Variants in MYBL1 observed in about 807,000 individuals in gnomAD.
MYBL1 encodes the protein myb-related protein A.
In MYBL1, 17 loss-of-function variants were observed where a neutral mutation model predicts 96.3. The observed-to-expected ratio is 0.18, with a 90% CI of 0.12 to 0.26. The LOEUF is 0.26. Ranked by LOEUF, MYBL1 falls within the 10% of genes least tolerant of loss-of-function variation. The probability of loss-of-function intolerance (pLI) is 1.00; values close to 1 mark genes in which losing one functional copy is unlikely to be tolerated. For synonymous variants in MYBL1, 282 were observed against 292.7 expected (o/e 0.96, Z 0.37); for missense variants, 701 against 882.9 (o/e 0.79, Z 2.61).
intron 5 of MYBL1, among the ~76,000 whole-genome samples, chr8:66,596,244 G>A (rs1171011967): frequency 6.6e-6 from 1 of 152,064 alleles, no homozygotes. Context: ...CTTAAGCCAG[G>A]AACAAACATG....
chr8:66,595,681 C>T lies in MYBL1; in HGVS notation c.589G>A (p.Gly197Arg). The T allele has an allele frequency of 6.3e-7, 1 of 1,583,386 alleles. No homozygotes were observed. The highest frequency in any genetic ancestry group is 8.6e-7 in the Non-Finnish European group (1 of 1,162,888). ...GATGAAGATCGTTCTGATTTTATTC[C>T]ATCTTGTAAATAGCCCTCCTGTTCC... The part of the protein sequence containing the change: ...KVEQEGYLQD[G>R]IKSERSSSKL... Residue 197 changes from glycine to arginine, a missense_variant, in exon 6 of 16, where the codon GGA (glycine) becomes AGA (arginine). By Grantham distance (125) the Gly-to-Arg change is moderately radical. Around this residue, in one of 5 missense-constraint regions of MYBL1, gnomAD observed 396 missense variants for 407.4 expected, o/e 0.97. Transcript: ENST00000522677.
chr8:66,578,239 T>C (rs1809048302), intron 9 of MYBL1, among the ~76,000 whole-genome samples: 1 of 151,182 alleles, frequency 6.6e-6, no homozygotes, highest in Non-Finnish European at 1.5e-5. Flanking sequence ...TGGGATCTAA[T>C]TAAACTAAAG....
chr8:66,584,080 A>T (rs1809318083), intron 8 of MYBL1, among the ~76,000 whole-genome samples: 1 of 152,240 alleles, frequency 6.6e-6, no homozygotes, highest in African/African-American at 2.4e-5. Context: ...CCAGGGATGT[A>T]AGGATGATTC....
chr8:66,579,668 A>G (rs1227982113), intron 9 of MYBL1, among the ~76,000 whole-genome samples: 1 of 151,908 alleles, frequency 6.6e-6, no homozygotes, highest in East Asian at 1.9e-4. Flanking sequence ...AAAAAAAAAA[A>G]ATCAAGTTTA....
At chr8:66,603,474 G>C (rs1810188042) in intron 1 of MYBL1, among the ~76,000 whole-genome samples, 1 of 150,526 alleles carries the variant, frequency 6.6e-6, no homozygotes, top group Non-Finnish European at 1.5e-5. Flanking sequence ...TGAACAAATG[G>C]AAGAACATTC....
Position 66,576,079 on chromosome 8 carries a change from G to T in MYBL1, c.1398C>A (p.Gly466=). The T allele has an allele frequency of 6.2e-7, 1 of 1,613,924 alleles. No individual in the cohort carries two copies. The highest frequency in any genetic ancestry group is 8.5e-7 in the Non-Finnish European group (1 of 1,179,862). The stretch of plus-strand genomic sequence containing the variant: ...CCATATTACCACCATCGTTCAATGA[G>T]CCATCCCTAAGTTCGCTGCCTGGGG... ...GHSPGSELRD[G]SLNDGGNMAL... is the part of the protein sequence containing the mutation. Residue 466 remains glycine, a synonymous_variant, in exon 10 of 16, where the codon GGC becomes GGA. Coordinates refer to ENST00000522677, the MANE Select transcript of MYBL1 (RefSeq NM_001080416.4).
rs2129942268 is a variant in MYBL1, at chr8:66,593,237, T to C, written c.688-43A>G. On this transcript the variant is annotated intron_variant, in intron 6 of 15. Coordinates refer to ENST00000522677, the MANE Select transcript of MYBL1 (RefSeq NM_001080416.4). ...CATTATTATCATACATATAATGCTA[T>C]AAATGTTGAAAATCTGAAGCAAATG... 6 of 1,268,672 alleles carry C rather than the reference T, an allele frequency of 4.7e-6. No homozygotes were observed. In the South Asian group the frequency reaches 8.6e-5, roughly 18 times the overall value. The allele number at this position is 1,268,672 out of a possible 1,614,324, so 78.6% of individuals were successfully genotyped here.
chr8:66,584,621 G>C (rs960703122), intron 8 of MYBL1, among the ~76,000 whole-genome samples: 1 of 152,096 alleles, frequency 6.6e-6, no homozygotes, highest in African/African-American at 2.4e-5. Context: ...CACTTTGGGA[G>C]GACAAAGCAG....
intron 1 of MYBL1, among the ~76,000 whole-genome samples, chr8:66,608,686 CTATT>C (rs1294280585): frequency 6.6e-6 from 1 of 152,098 alleles, no homozygotes; most frequent in Non-Finnish European, 1.5e-5. Context: ...TGGATCTGCT[CTATT>C]TGTCTACTTT....
chr8:66,587,877 T>C lies in MYBL1; in HGVS notation c.867+4563A>G, dbSNP rs1809482459. 7.9e-5 allele frequency among the ~76,000 whole-genome samples: 12 copies of C among 152,312 alleles called. No individual in the cohort carries two copies. The South Asian group carries it at 2.5e-3, about 32-fold the overall frequency. Reference sequence around the variant, plus strand: ...TGGTAGACAGCACACTGGAAGTCTATAGGAAGCACTGAATAATGGTAACTA... The same window carrying C: ...TGGTAGACAGCACACTGGAAGTCTACAGGAAGCACTGAATAATGGTAACTA... On this transcript the variant is annotated intron_variant, in intron 8 of 15. Transcript: ENST00000522677.
chr8:66,580,783 GT>G (rs1809176262), intron 8 of MYBL1, among the ~76,000 whole-genome samples: 1 of 151,864 alleles, frequency 6.6e-6, no homozygotes, highest in Non-Finnish European at 1.5e-5. Context: ...TTGACCTGGA[GT>G]GCCTTTGCAC....
intron 2 of MYBL1, 78 bp from the exon 3 acceptor site, chr8:66,601,847 T>C: frequency 1.5e-6 from 1 of 656,460 alleles, no homozygotes; most frequent in South Asian, 2.2e-5. Context: ...AACTCTCCAA[T>C]TCTATTAAGG....
chr8:66,571,230 T>C (rs1039153536), intron 12 of MYBL1, among the ~76,000 whole-genome samples: 8 of 152,200 alleles, frequency 5.3e-5, no homozygotes, highest in Non-Finnish European at 8.8e-5. Flanking sequence ...TGGTAAGATA[T>C]ATGAAAGCAC....
chr8:66,612,663 C>T, intron 1 of MYBL1, 156 bp downstream of exon 1: 1 of 874,148 alleles, frequency 1.1e-6, no homozygotes, highest in Non-Finnish European at 1.6e-6. Context: ...CGCAGCTGCC[C>T]TCCGGTCATC....
intron 8 of MYBL1, among the ~76,000 whole-genome samples, chr8:66,589,303 C>G (rs1809542654): frequency 6.7e-6 from 1 of 149,904 alleles, no homozygotes; most frequent in Admixed American, 6.6e-5. Context: ...ATTCTCTAAC[C>G]ATAATTCTTT....
intron 10 of MYBL1, among the ~76,000 whole-genome samples, chr8:66,575,339 C>T (rs921651078): frequency 1.3e-5 from 2 of 152,310 alleles, no homozygotes; most frequent in African/African-American, 4.8e-5. Context: ...GTATATCTAT[C>T]GAACAGTAGT....
chr8:66,595,545 A>C, intron 6 of MYBL1, 38 bp downstream of exon 6: 1 of 1,315,080 alleles, frequency 7.6e-7, no homozygotes, highest in East Asian at 2.9e-5. Flanking sequence ...GCAACTTAAG[A>C]AAATTTTTTA....
chr8:66,597,394 T>C lies in MYBL1; in HGVS notation c.448A>G (p.Ile150Val), dbSNP rs778356437. 136 of 1,612,762 alleles carry C rather than the reference T, an allele frequency of 8.4e-5. No individual in the cohort carries two copies. The highest frequency in any genetic ancestry group is 1.0e-4 in the Admixed American group (6 of 59,822). ...SSWTEEEDRI[I>V]YEAHKRLGNR... is the part of the protein sequence containing the mutation. ...CCCAACCGCTTATGTGCTTCATAGA[T>C]GATCCTGTCCTCCTCTTCTGTCCAG... is the stretch of plus-strand genomic sequence containing the variant. The change falls in exon 5 of 16, where the codon ATC becomes GTC. Residue 150 changes from isoleucine (I) to valine (V), a missense_variant. Transcript: ENST00000522677.
At position 66,604,374 on chromosome 8, in the gene MYBL1, T is replaced by C. The variant is rs113941396; in HGVS notation, c.21-1851A>G. On this transcript the variant is annotated intron_variant, in intron 1 of 15. Transcript: ENST00000522677. ...CCTGTCTCTACTAAAATTGCAAAAA[T>C]TATCTGGGTGTGGTGGTATGTGCCT... Among the ~76,000 whole-genome samples the C allele has an allele frequency of 8.0e-3, 1,222 of 152,040 alleles. 17 individuals are homozygous for C. Among genetic ancestry groups the C allele is most frequent in the African/African-American group, 0.027 (1,114 of 41,474 alleles).
Sources: gnomAD v4.1 joint callset for allele counts (sites outside exome capture counted in the v4.1 genomes callset) on GRCh38, gnomAD v4.1.1 for gene constraint, gnomAD v4.1.1 regional missense constraint, MANE v1.5 for transcripts, NCBI Gene and HGNC (gene_info 2026-07-23, HGNC 2026-07-21) for gene names.